TMEM132D: variants seen among roughly 807,000 people sequenced by gnomAD.
TMEM132D encodes the protein mature OL transmembrane protein.
In TMEM132D, 21 loss-of-function variants were observed where a neutral mutation model predicts 62.3. The ratio of observed to expected loss-of-function variants is 0.34; its 90% CI spans 0.24 to 0.49. TMEM132D has a LOEUF of 0.49. TMEM132D is among the 20% of genes least tolerant of loss of function. The pLI is 0.99. For missense variants in TMEM132D, 1,346 were observed against 1,402.8 expected (o/e 0.96, Z 0.65); for synonymous variants, 621 against 575.6 (o/e 1.08, Z -1.13).
intron 2 of TMEM132D, among the ~76,000 whole-genome samples, chr12:129,658,464 C>T (rs1331511569): frequency 6.6e-6 from 1 of 152,116 alleles, no homozygotes; most frequent in East Asian, 1.9e-4. Context: ...GCGGCCTCTA[C>T]AAACAAGCAT....
chr12:129,746,313 A>C lies in TMEM132D; in HGVS notation c.80-45615T>G, dbSNP rs376601729. Among the ~76,000 whole-genome samples, 167 of 152,188 alleles carry C rather than the reference A, an allele frequency of 1.1e-3. 1 individual carries two copies. The highest frequency in any genetic ancestry group is 3.9e-3 in the African/African-American group (161 of 41,526). Reference sequence around the variant, plus strand: ...GTTATCCAGGGATGTTAAACTAAAGAGTGATGTGGTTTCATTTGCATTTGA... The same window carrying C: ...GTTATCCAGGGATGTTAAACTAAAGCGTGATGTGGTTTCATTTGCATTTGA... On this transcript the variant is annotated intron_variant, in intron 1 of 8. Coordinates refer to ENST00000422113, the MANE Select transcript of TMEM132D (RefSeq NM_133448.3).
At chr12:129,657,835 C>T (rs951626615) in intron 2 of TMEM132D, among the ~76,000 whole-genome samples, 1 of 152,232 alleles carries the variant, frequency 6.6e-6, no homozygotes, top group Non-Finnish European at 1.5e-5. Flanking sequence ...TCTAGCTAAA[C>T]TGCATTTGTT....
intron 2 of TMEM132D, among the ~76,000 whole-genome samples, chr12:129,603,080 G>T (rs913342283): frequency 1.3e-5 from 2 of 152,136 alleles, no homozygotes; most frequent in Non-Finnish European, 2.9e-5. Flanking sequence ...AATTCAAGAA[G>T]AGATTTGGGT....
intron 1 of TMEM132D, among the ~76,000 whole-genome samples, chr12:129,887,236 G>A (rs1874778688): frequency 6.6e-6 from 1 of 152,110 alleles, no homozygotes; most frequent in South Asian, 2.1e-4. Context: ...GCCCCTCCCT[G>A]TCTACCGTGG....
intron 3 of TMEM132D, among the ~76,000 whole-genome samples, chr12:129,414,588 G>C (rs1872061150): frequency 6.6e-6 from 1 of 152,204 alleles, no homozygotes; most frequent in South Asian, 2.1e-4. Context: ...GTTGTGAAAT[G>C]ATGACCACAA....
chr12:129,413,270 T>C (rs944115324), intron 3 of TMEM132D, among the ~76,000 whole-genome samples: 3 of 152,154 alleles, frequency 2.0e-5, no homozygotes, highest in East Asian at 1.9e-4. Context: ...TGGTAGTGAA[T>C]AAGTCTCACA....
chr12:129,103,993 T>TC (rs1445458017), intron 5 of TMEM132D, among the ~76,000 whole-genome samples: 4 of 152,100 alleles, frequency 2.6e-5, no homozygotes, highest in African/African-American at 9.6e-5. Flanking sequence ...TTCAATGCCA[T>TC]CCCCATCAAG....
chr12:129,815,605 T>C (rs1869040), intron 1 of TMEM132D, among the ~76,000 whole-genome samples: 149,247 of 152,298 alleles, frequency 0.98, 73,191 homozygotes, highest in East Asian at 1. Flanking sequence ...TTCAATTAGA[T>C]GCACGTGCAA....
intron 3 of TMEM132D, among the ~76,000 whole-genome samples, chr12:129,347,393 GA>G (rs1340147840): frequency 2.0e-5 from 3 of 152,142 alleles, no homozygotes; most frequent in Non-Finnish European, 4.4e-5. Context: ...AGAGACCTCT[GA>G]AATAACACCA....
intron 1 of TMEM132D, among the ~76,000 whole-genome samples, chr12:129,754,803 C>G (rs541931787): frequency 6.6e-6 from 1 of 152,258 alleles, no homozygotes; most frequent in African/African-American, 2.4e-5. Context: ...ACCACACAGT[C>G]TAGACAAAGA....
At chr12:129,138,889 A>G (rs1461903761) in intron 5 of TMEM132D, among the ~76,000 whole-genome samples, 2 of 152,206 alleles carry the variant, frequency 1.3e-5, no homozygotes, top group African/African-American at 2.4e-5. Flanking sequence ...GCTCTGCAGC[A>G]TCTTTAATTG....
intron 3 of TMEM132D, among the ~76,000 whole-genome samples, chr12:129,494,738 C>T (rs1874896981): frequency 6.6e-6 from 1 of 152,170 alleles, no homozygotes; most frequent in Non-Finnish European, 1.5e-5. Flanking sequence ...CCTCCTACAA[C>T]TGAATAAAAT....
At chr12:129,741,511 T>G (rs1019311749) in intron 1 of TMEM132D, among the ~76,000 whole-genome samples, 2 of 152,198 alleles carry the variant, frequency 1.3e-5, no homozygotes, top group African/African-American at 4.8e-5. Flanking sequence ...TGAGAGACTC[T>G]GAAAGAATCA....
chr12:129,843,064 T>C (rs1045368181), intron 1 of TMEM132D, among the ~76,000 whole-genome samples: 4 of 152,092 alleles, frequency 2.6e-5, no homozygotes, highest in Non-Finnish European at 4.4e-5. Context: ...ATGAGTTAAG[T>C]TTGGAAGTCT....
intron 5 of TMEM132D, among the ~76,000 whole-genome samples, chr12:129,096,287 A>T (rs1295928559): frequency 6.6e-6 from 1 of 152,132 alleles, no homozygotes; most frequent in Non-Finnish European, 1.5e-5. Flanking sequence ...CGGCCGTCAT[A>T]TGCCTCACAT....
chr12:129,697,928 C>G (rs1174830783), intron 2 of TMEM132D, among the ~76,000 whole-genome samples: 3 of 151,432 alleles, frequency 2.0e-5, no homozygotes, highest in Non-Finnish European at 4.4e-5. Context: ...CACACACAAG[C>G]TGCATGTGGC....
chr12:129,822,767 G>A (rs1872570738), intron 1 of TMEM132D, among the ~76,000 whole-genome samples: 1 of 152,220 alleles, frequency 6.6e-6, no homozygotes, highest in South Asian at 2.1e-4. Context: ...CAGATCTTGT[G>A]AGAACTCACC....
rs139475243 is a variant in TMEM132D, at chr12:129,687,043, C to T, written c.968+12767G>A. On this transcript the variant is annotated intron_variant, in intron 2 of 8. Transcript: ENST00000422113. ...GCTATGACTCAATAGGAGCAAACTG[C>T]TCCTTTCAAATGTGTTTATCTCAAA... 4.9e-3 allele frequency among the ~76,000 whole-genome samples: 749 copies of T among 152,292 alleles called. 8 individuals are homozygous for T. Among genetic ancestry groups the T allele is most frequent in the African/African-American group, 0.017 (708 of 41,576 alleles).
chr12:129,296,644 A>G (rs1352504348), intron 4 of TMEM132D, among the ~76,000 whole-genome samples: 3 of 152,204 alleles, frequency 2.0e-5, no homozygotes, highest in Admixed American at 6.5e-5. Flanking sequence ...GATACGTTAA[A>G]GGCACTAAAG....
Sources: allele counts gnomAD v4.1 joint callset (sites outside exome capture counted in the v4.1 genomes callset), GRCh38; gene constraint gnomAD v4.1.1; transcripts MANE v1.5; gene names NCBI Gene and HGNC (gene_info 2026-07-23, HGNC 2026-07-21).